OTUB2: variants seen among roughly 807,000 people sequenced by gnomAD.
OTUB2 encodes OTU deubiquitinase, ubiquitin aldehyde binding 2.
OTUB2 carries 21 observed loss-of-function variants against 25.1 expected under a neutral mutation model. The ratio of observed to expected loss-of-function variants is 0.84; its 90% CI spans 0.59 to 1.21. The LOEUF (loss-of-function observed/expected upper bound fraction) is 1.21, where lower values mean the gene tolerates loss of function less well. Among genes scored for constraint, OTUB2 ranks in the 50% most tolerant of loss-of-function variants. OTUB2 has a pLI of 0.00. For missense variants in OTUB2, 283 were observed against 298.0 expected (o/e 0.95, Z 0.37); for synonymous variants, 122 against 122.8 (o/e 0.99, Z 0.04).
At chr14:94,042,428 C>T (rs1443112539) in intron 3 of OTUB2, among the ~76,000 whole-genome samples, 1 of 145,558 alleles carries the variant, frequency 6.9e-6, no homozygotes, top group Non-Finnish European at 1.5e-5. Context: ...GCCCCAGTGC[C>T]TGGCACAGAG....
chr14:94,026,494 C>T lies in OTUB2; in HGVS notation c.-44C>T. On this transcript the variant is annotated 5_prime_UTR_variant, in exon 1 of 6. Coordinates refer to ENST00000203664, the MANE Select transcript of OTUB2 (RefSeq NM_023112.4). ...CTCCCGCGGCATTCCCGCACCGGAT[C>T]GCTCCTCGCTGGGGCGGGACCTGGC... 1.5e-6 allele frequency: 2 copies of T among 1,317,196 alleles called. No individual in the cohort carries two copies. The highest frequency in any genetic ancestry group is 1.9e-6 in the Non-Finnish European group (2 of 1,027,006). 81.6% of individuals were successfully genotyped at this position (1,317,196 alleles called of 1,614,324 possible). A position where few individuals can be genotyped will look rare whatever the true frequency, so the allele number is the denominator to read the frequency against.
intron 1 of OTUB2, among the ~76,000 whole-genome samples, chr14:94,034,325 G>A (rs1885011527): frequency 1.3e-5 from 2 of 152,244 alleles, no homozygotes; most frequent in African/African-American, 4.8e-5. Context: ...TTTCCTGGGT[G>A]AGGCCTCAGG....
intron 1 of OTUB2, among the ~76,000 whole-genome samples, chr14:94,036,539 C>A (rs975040523): frequency 6.6e-6 from 1 of 152,054 alleles, no homozygotes; most frequent in Non-Finnish European, 1.5e-5. Flanking sequence ...TAGCACAAGG[C>A]GGAGACCAGG....
Position 94,048,928 on chromosome 14 carries a change from T to G in OTUB2, c.*3006T>G, listed in dbSNP as rs1390674822. On this transcript the variant is annotated 3_prime_UTR_variant, in exon 6 of 6. Coordinates refer to ENST00000203664, the MANE Select transcript of OTUB2 (RefSeq NM_023112.4). The stretch of plus-strand genomic sequence containing the variant: ...TCTCCTAGCATTAAAATGGTTTCCA[T>G]AACTACTTTTGTCCTGGCTTCTTAA... 6.6e-6 allele frequency: 1 copy of G among 152,284 alleles called. No individual in the cohort carries two copies. Among genetic ancestry groups the G allele is most frequent in the Non-Finnish European group, 1.5e-5 (1 of 68,064 alleles). 9.4% of individuals were successfully genotyped at this position (152,284 alleles called of 1,614,324 possible).
rs981486647 is a variant in OTUB2 at position 94,046,863 on chromosome 14, C to G, written c.*941C>G. 4 of 152,516 alleles carry G rather than the reference C, an allele frequency of 2.6e-5. No homozygotes were observed. The highest frequency in any genetic ancestry group is 7.2e-5 in the African/African-American group (3 of 41,460). The allele number at this position is 152,516 out of a possible 1,614,324, so 9.4% of individuals were successfully genotyped here. A position where few individuals can be genotyped will look rare whatever the true frequency, so the allele number is the denominator to read the frequency against. ...GCCCCTGGCTTCTTCCTCCCTTTCC[C>G]GCTTCTGCTCTCTTTATGGACTGGT... On this transcript the variant is annotated 3_prime_UTR_variant, in exon 6 of 6. Coordinates refer to ENST00000203664, the MANE Select transcript of OTUB2 (RefSeq NM_023112.4).
chr14:94,042,035 G>A (rs878960228), intron 3 of OTUB2, among the ~76,000 whole-genome samples: 1 of 152,186 alleles, frequency 6.6e-6, no homozygotes, highest in Admixed American at 6.5e-5. Context: ...GCAGACACTT[G>A]TTCTCTGCTC....
intron 2 of OTUB2, among the ~76,000 whole-genome samples, chr14:94,038,236 A>G (rs1885093485): frequency 6.6e-6 from 1 of 152,206 alleles, no homozygotes; most frequent in Non-Finnish European, 1.5e-5. Flanking sequence ...TGTGATCCGA[A>G]CGCCGCTGCG....
In OTUB2 at chr14:94,044,767, A is replaced by T. The variant is rs1464929839; in HGVS notation, c.485A>T (p.Asp162Val). The change falls in exon 5 of 6, where the codon GAC (aspartate) becomes GTC (valine). Residue 162 changes from aspartate to valine, a missense_variant. By Grantham distance (152) the Asp-to-Val change is radical. Transcript: ENST00000203664. ...HFIDEEMDIK[D>V]FCTHEVEPMA... ...ATTGATGAGGAGATGGACATCAAAG[A>T]CTTCTGCACTCACGTAGGTGCTTGG... 6 of 1,612,572 alleles carry T rather than the reference A, an allele frequency of 3.7e-6. No homozygotes were observed. Among genetic ancestry groups the T allele is most frequent in the Non-Finnish European group, 5.1e-6 (6 of 1,179,768 alleles).
intron 1 of OTUB2, among the ~76,000 whole-genome samples, chr14:94,032,730 T>C (rs980674368): frequency 2.0e-5 from 3 of 152,086 alleles, no homozygotes; most frequent in Non-Finnish European, 4.4e-5. Flanking sequence ...AAAACAAATA[T>C]ATCTAGAAAG....
At chr14:94,026,583 GC>G in intron 1 of OTUB2, 43 bp downstream of exon 1, 1 of 1,229,006 alleles carries the variant, frequency 8.1e-7, no homozygotes, top group Non-Finnish European at 1.0e-6. Flanking sequence ...CGGGCAGGGG[GC>G]GCGGTGGGCG....
In OTUB2 at chr14:94,039,056, C is replaced by T; in HGVS notation, c.193C>T (p.Leu65=). 1 of 1,614,138 alleles carries T rather than the reference C, an allele frequency of 6.2e-7. No individual in the cohort carries two copies. Among genetic ancestry groups the T allele is most frequent in the Non-Finnish European group, 8.5e-7 (1 of 1,180,008 alleles). ...GGGCTATTCCTACCTGGAGTCCCTG[C>T]TGGGGAAGAGCAGGGAGATCTTCAA... ...ALGYSYLESL[L]GKSREIFKFK... Residue 65 remains leucine (L), a synonymous_variant, in exon 3 of 6, where the codon CTG becomes TTG. Transcript: ENST00000203664.
rs538527931 is a variant in OTUB2 at position 94,043,431 on chromosome 14, C to A, written c.219-540C>A. ...CCCAGGCCTGGGTTTCTTGCCATAC[C>A]CCCTGAGGGCACCAGGACAGGTCCC... is the stretch of plus-strand genomic sequence containing the variant. On this transcript the variant is annotated intron_variant, in intron 3 of 5. Coordinates refer to ENST00000203664, the MANE Select transcript of OTUB2 (RefSeq NM_023112.4). 1.8e-3 allele frequency among the ~76,000 whole-genome samples: 268 copies of A among 152,308 alleles called. 4 individuals carry two copies. The highest frequency in any genetic ancestry group is 6.2e-3 in the African/African-American group (256 of 41,576).
rs77658864 is a variant in OTUB2 at position 94,036,540 on chromosome 14, G to A, written c.4-840G>A. 8.0e-3 allele frequency among the ~76,000 whole-genome samples: 1,218 copies of A among 152,172 alleles called. 36 individuals carry two copies. In the East Asian group the frequency reaches 0.086, roughly 11 times the overall value. On this transcript the variant is annotated intron_variant, in intron 1 of 5. Coordinates refer to ENST00000203664, the MANE Select transcript of OTUB2 (RefSeq NM_023112.4). ...CCCTGCTGACAAGATAGCACAAGGC[G>A]GAGACCAGGCCCACGGGGAGTTGGC...
In OTUB2 at chr14:94,030,386, C is replaced by T. The variant is rs574461914; in HGVS notation, c.3+3846C>T. 1.2e-4 allele frequency among the ~76,000 whole-genome samples: 18 copies of T among 151,928 alleles called. No individual in the cohort carries two copies. The East Asian group carries it at 2.7e-3, about 23-fold the overall frequency. ...GTGGGCAGGAGAGCAGTCAGGGACA[C>T]GCTAATTCAGTAATGTTCTCAGACT... On this transcript the variant is annotated intron_variant, in intron 1 of 5. Transcript: ENST00000203664.
At chr14:94,039,864 C>T (rs143685442) in intron 3 of OTUB2, among the ~76,000 whole-genome samples, 41 of 152,264 alleles carry the variant, frequency 2.7e-4, no homozygotes, top group African/African-American at 9.6e-4. Flanking sequence ...AGACCCGCAC[C>T]GACATGCTCT....
At chr14:94,036,228 G>A (rs985006831) in intron 1 of OTUB2, among the ~76,000 whole-genome samples, 17 of 152,164 alleles carry the variant, frequency 1.1e-4, no homozygotes, top group African/African-American at 3.9e-4. Context: ...ACTGTGGCCG[G>A]TGTGACATGA....
At chr14:94,035,466 T>C (rs181627256) in intron 1 of OTUB2, among the ~76,000 whole-genome samples, 17 of 152,068 alleles carry the variant, frequency 1.1e-4, no homozygotes, top group African/African-American at 4.1e-4. Context: ...TTTTTTTGTA[T>C]TTTTAGTAGA....
intron 4 of OTUB2, 116 bp from the exon 5 acceptor site, chr14:94,044,470 A>T: frequency 9.3e-7 from 1 of 1,071,380 alleles, no homozygotes; most frequent in South Asian, 1.6e-5. Flanking sequence ...CAACCTGAGA[A>T]TCTACAAATG....
intron 5 of OTUB2, among the ~76,000 whole-genome samples, chr14:94,045,488 G>C (rs1885254708): frequency 6.6e-6 from 1 of 152,212 alleles, no homozygotes; most frequent in Non-Finnish European, 1.5e-5. Context: ...GAATGGAAAA[G>C]ATTCAGGTTC....
Sources: gnomAD v4.1 joint callset for allele counts (sites outside exome capture counted in the v4.1 genomes callset) on GRCh38, gnomAD v4.1.1 for gene constraint, MANE v1.5 for transcripts, NCBI Gene and HGNC (gene_info 2026-07-23, HGNC 2026-07-21) for gene names.